Variants in COL4A3 observed in about 807,000 individuals in gnomAD.
The protein encoded by COL4A3 is collagen type IV alpha 3 chain, also known as collagen alpha-3(IV) chain.
In COL4A3, 135 loss-of-function variants were observed where a neutral mutation model predicts 217.4. The observed-to-expected ratio is 0.62, with a 90% CI of 0.54 to 0.72. The LOEUF (loss-of-function observed/expected upper bound fraction) is 0.72, where lower values mean the gene tolerates loss of function less well. Among genes scored for constraint, COL4A3 ranks in the 30% least tolerant of loss-of-function variants. The pLI, the probability that COL4A3 is intolerant of heterozygous loss-of-function variation, is 0.00. For synonymous variants in COL4A3, 690 were observed against 736.3 expected, an observed-to-expected ratio of 0.94 and a Z score of 1.02; for missense variants, 1,868 against 2,119.9, an observed-to-expected ratio of 0.88 and a Z score of 2.33.
At chr2:227,259,755 G>GCTAT (rs2125956026) in intron 18 of COL4A3, 38 bp from the exon 19 acceptor site, 1 of 1,427,208 alleles carries the variant, frequency 7.0e-7, no homozygotes, top group Admixed American at 1.7e-5. Context: ...TCCATAAATA[G>GCTAT]CTATCCTTTC....
At chr2:227,222,712 G>T (rs879509026) in intron 1 of COL4A3, among the ~76,000 whole-genome samples, 7 of 152,178 alleles carry the variant, frequency 4.6e-5, no homozygotes, top group Non-Finnish European at 7.4e-5. Flanking sequence ...GCAAAACTCA[G>T]CCAAGCAAGG....
chr2:227,283,628 A>G (rs968963158), intron 32 of COL4A3, 139 bp from the exon 33 acceptor site: 2 of 712,748 alleles, frequency 2.8e-6, no homozygotes, highest in Non-Finnish European at 5.0e-6. Context: ...AGACTAATAC[A>G]GTAATTGTAC....
At chr2:227,199,042 T>G (rs1005709987) in intron 1 of COL4A3, among the ~76,000 whole-genome samples, 2 of 152,098 alleles carry the variant, frequency 1.3e-5, no homozygotes, top group African/African-American at 4.8e-5. Context: ...GGACTTATTT[T>G]CCAGTGCAGA....
intron 50 of COL4A3, among the ~76,000 whole-genome samples, chr2:227,310,157 A>C (rs919671569): frequency 6.6e-6 from 1 of 152,234 alleles, no homozygotes; most frequent in Non-Finnish European, 1.5e-5. Flanking sequence ...AAAGAAAAAT[A>C]GTCTTTTAAA....
At chr2:227,224,101 T>C (rs1013980828) in intron 1 of COL4A3, among the ~76,000 whole-genome samples, 1 of 152,224 alleles carries the variant, frequency 6.6e-6, no homozygotes, top group Non-Finnish European at 1.5e-5. Flanking sequence ...AGTCAGCTTA[T>C]CGGTCCAAGG....
intron 1 of COL4A3, among the ~76,000 whole-genome samples, chr2:227,179,231 A>C (rs1285245774): frequency 2.0e-5 from 3 of 152,186 alleles, no homozygotes; most frequent in African/African-American, 7.2e-5. Flanking sequence ...GTTTACAGGC[A>C]TGAGACATCG....
At chr2:227,268,626 A>G (rs1051256844) in intron 23 of COL4A3, 3 of 152,122 alleles carry the variant, frequency 2.0e-5, no homozygotes, top group Admixed American at 1.3e-4. Context: ...GATCCCACTC[A>G]CTTCTCCTTT....
chr2:227,208,516 G>A (rs13391788), intron 1 of COL4A3, among the ~76,000 whole-genome samples: 35 of 151,674 alleles, frequency 2.3e-4, no homozygotes, highest in African/African-American at 6.1e-4. Flanking sequence ...ACCTAACTCC[G>A]ACCCATGAAG....
intron 1 of COL4A3, among the ~76,000 whole-genome samples, chr2:227,213,901 CAAAAAAAA>C (rs5839195): frequency 1.1e-5 from 1 of 89,354 alleles, no homozygotes; most frequent in Non-Finnish European, 2.1e-5. Flanking sequence ...AACTCTGTCT[CAAAAAAAA>C]AAAAAAAAAA....
At chr2:227,169,915 A>G (rs970532361) in intron 1 of COL4A3, among the ~76,000 whole-genome samples, 1 of 152,124 alleles carries the variant, frequency 6.6e-6, no homozygotes, top group Non-Finnish European at 1.5e-5. Context: ...CACTATGTTT[A>G]TATTAAATCT....
chr2:227,218,080 C>CCATATATATATATATATA (rs2067598273), intron 1 of COL4A3, among the ~76,000 whole-genome samples: 1 of 118,378 alleles, frequency 8.4e-6, no homozygotes, highest in Non-Finnish European at 1.9e-5. Context: ...ATATATATAG[C>CCATATATATATATATATA]TATATATATA....
At chr2:227,182,529 A>AT (rs1198708269) in intron 1 of COL4A3, among the ~76,000 whole-genome samples, 2 of 152,276 alleles carry the variant, frequency 1.3e-5, no homozygotes, top group African/African-American at 2.4e-5. Context: ...AATCTATTAG[A>AT]TTTTTTTCTA....
chr2:227,195,027 A>G (rs1247052735), intron 1 of COL4A3, among the ~76,000 whole-genome samples: 1 of 152,162 alleles, frequency 6.6e-6, no homozygotes, highest in East Asian at 1.9e-4. Flanking sequence ...GAAAAAAGAA[A>G]ATTTTCTATT....
chr2:227,312,961 T>C lies in COL4A3; in HGVS notation c.*1091T>C, dbSNP rs953975076. The stretch of plus-strand genomic sequence containing the variant: ...AAAAAGCAACACTTTTTATGTTATA[T>C]GTTGTTCTTACAAACCATACTGAAA... On this transcript the variant is annotated 3_prime_UTR_variant, in exon 52 of 52. Transcript: ENST00000396578. 21 of 152,534 alleles carry C rather than the reference T, an allele frequency of 1.4e-4. No homozygotes were observed. The highest frequency in any genetic ancestry group is 4.3e-4 in the African/African-American group (18 of 41,448). 9.4% of individuals were successfully genotyped at this position (152,534 alleles called of 1,614,324 possible). A position where few individuals can be genotyped will look rare whatever the true frequency, so the allele number is the denominator to read the frequency against.
In COL4A3 at chr2:227,298,635, T is replaced by G. The variant is rs1400179685; in HGVS notation, c.3752-47T>G. On this transcript the variant is annotated intron_variant, in intron 42 of 51. Transcript: ENST00000396578. ...AAACAATCACTGATAAATAGAACCTTCCAAGCTCCCTGGCTGGCAATACTG... is the reference window on the plus strand; with the variant it reads ...AAACAATCACTGATAAATAGAACCTGCCAAGCTCCCTGGCTGGCAATACTG... 5.0e-6 allele frequency: 8 copies of G among 1,611,428 alleles called. No homozygotes were observed. The East Asian group carries it at 1.8e-4, about 36-fold the overall frequency.
chr2:227,236,024 T>C (rs1018447252), intron 1 of COL4A3, among the ~76,000 whole-genome samples: 7 of 149,866 alleles, frequency 4.7e-5, no homozygotes, highest in Admixed American at 6.7e-5. Context: ...TCCGCCCCCC[T>C]GGGCCTCGCA....
chr2:227,306,908 G>A (rs1458006569), intron 47 of COL4A3, among the ~76,000 whole-genome samples: 1 of 152,078 alleles, frequency 6.6e-6, no homozygotes, highest in Admixed American at 6.5e-5. Flanking sequence ...AGAAATGGAT[G>A]GGAGTGAGGA....
rs2067053444 is a variant in COL4A3 at position 227,205,153 on chromosome 2, T to G, written c.88-32815T>G. ...TGAAATCCCAAGAGCTGATATATTC[T>G]TTTATTTCATAGTTTAAAATAATCT... On this transcript the variant is annotated intron_variant, in intron 1 of 51. Transcript: ENST00000396578. Among the ~76,000 whole-genome samples the G allele has an allele frequency of 1.3e-5, 2 of 152,200 alleles. 1 individual carries two copies. The highest frequency in any genetic ancestry group is 4.8e-5 in the African/African-American group (2 of 41,450).
At chr2:227,210,547 A>T (rs1045199647) in intron 1 of COL4A3, among the ~76,000 whole-genome samples, 2 of 152,144 alleles carry the variant, frequency 1.3e-5, no homozygotes, top group African/African-American at 2.4e-5. Context: ...CCGAGACCGA[A>T]CCACTGCACA....
Sources: gnomAD v4.1 joint callset for allele counts (sites outside exome capture counted in the v4.1 genomes callset) on GRCh38, gnomAD v4.1.1 for gene constraint, MANE v1.5 for transcripts, NCBI Gene and HGNC (gene_info 2026-07-23, HGNC 2026-07-21) for gene names.